The following WIPF2 variants were observed in gnomAD, a reference collection of about 807,000 sequenced individuals.
The protein encoded by WIPF2 is WAS/WASL interacting protein family member 2, also known as WAS/WASL-interacting protein family member 2.
WIPF2 carries 23 observed loss-of-function variants against 38.8 expected under a neutral mutation model. The observed-to-expected ratio is 0.59, with a 90% confidence interval of 0.43 to 0.84. The LOEUF (loss-of-function observed/expected upper bound fraction) is 0.84. Ranked by LOEUF, WIPF2 falls within the 40% of genes least tolerant of loss-of-function variation. The pLI is 0.00. For missense variants in WIPF2, 574 were observed against 580.5 expected, an observed-to-expected ratio of 0.99 and a Z score of 0.11; for synonymous variants, 210 against 223.2, an observed-to-expected ratio of 0.94 and a Z score of 0.53.
chr17:40,220,249 T>TTAC (rs560307774), intron 1 of WIPF2, among the ~76,000 whole-genome samples: 8 of 151,786 alleles, frequency 5.3e-5, no homozygotes, highest in Non-Finnish European at 1.2e-4. Context: ...AGTGCTGGGA[T>TTAC]TACAGGTGTG....
chr17:40,277,690 GA>G (rs1173982541), intron 7 of WIPF2, among the ~76,000 whole-genome samples: 1 of 131,106 alleles, frequency 7.6e-6, no homozygotes, highest in African/African-American at 3.0e-5. Flanking sequence ...CAAAAAAAAA[GA>G]AAAAAAATTG....
At chr17:40,222,587 T>TTGTGTGTGTG (rs201136851) in intron 1 of WIPF2, among the ~76,000 whole-genome samples, 1 of 146,328 alleles carries the variant, frequency 6.8e-6, no homozygotes, top group Non-Finnish European at 1.5e-5. Context: ...GTGTGTGTGT[T>TTGTGTGTGTG]TGTGTGTGTG....
At chr17:40,230,826 TC>T in intron 1 of WIPF2, among the ~76,000 whole-genome samples, 2 of 152,290 alleles carry the variant, frequency 1.3e-5, no homozygotes, top group African/African-American at 4.8e-5. Flanking sequence ...GAACAGATGT[TC>T]TTTTATTTTG....
chr17:40,227,063 A>G (rs756206649), intron 1 of WIPF2, among the ~76,000 whole-genome samples: 9 of 151,154 alleles, frequency 6.0e-5, no homozygotes, highest in Non-Finnish European at 1.3e-4. Context: ...TTTTTTTGAG[A>G]CAGAGTTTCA....
At chr17:40,254,463 G>A (rs1452500383) in intron 1 of WIPF2, among the ~76,000 whole-genome samples, 1 of 151,900 alleles carries the variant, frequency 6.6e-6, no homozygotes, top group South Asian at 2.1e-4. Context: ...TGGGGGGAGG[G>A]GGTCAAAAAA....
At chr17:40,248,163 CTT>C (rs60359132) in intron 1 of WIPF2, among the ~76,000 whole-genome samples, 823 of 47,558 alleles carry the variant, frequency 0.017, 31 homozygotes, top group Middle Eastern at 0.04. Flanking sequence ...AAAGTTATTT[CTT>C]TTTTTTTTTT....
At chr17:40,236,631 C>CG (rs2030980805) in intron 1 of WIPF2, among the ~76,000 whole-genome samples, 1 of 139,404 alleles carries the variant, frequency 7.2e-6, no homozygotes, top group Admixed American at 7.5e-5. Flanking sequence ...TTTTTTAAGA[C>CG]GGAGTCTCAC....
At chr17:40,254,161 T>G (rs1473246526) in intron 1 of WIPF2, among the ~76,000 whole-genome samples, 1 of 151,634 alleles carries the variant, frequency 6.6e-6, no homozygotes, top group African/African-American at 2.4e-5. Context: ...GGATTACAGG[T>G]GTGCACAACC....
intron 5 of WIPF2, among the ~76,000 whole-genome samples, chr17:40,267,543 G>A (rs1219508815): frequency 1.3e-5 from 2 of 151,972 alleles, no homozygotes; most frequent in East Asian, 1.9e-4. Flanking sequence ...TTATTTATTT[G>A]TTTGTTTGTG....
rs1171794280 is a variant in WIPF2, at chr17:40,237,565, A to G, written c.-70+18073A>G. Among the ~76,000 whole-genome samples the G allele has an allele frequency of 3.3e-4, 50 of 149,960 alleles. 1 individual carries two copies. Among genetic ancestry groups the G allele is most frequent in the Admixed American group, 3.3e-3 (49 of 15,046 alleles). On this transcript the variant is annotated intron_variant, in intron 1 of 7. Coordinates refer to ENST00000323571, the MANE Select transcript of WIPF2 (RefSeq NM_133264.5). ...CCCTAATTTTTTTTTCCTTCATTCA[A>G]TTTTTGTGAGATTTCCTTAGCTGTT...
intron 1 of WIPF2, among the ~76,000 whole-genome samples, chr17:40,247,602 G>T (rs1480147898): frequency 1.3e-5 from 2 of 151,076 alleles, no homozygotes; most frequent in African/African-American, 4.9e-5. Flanking sequence ...GCTCACTGCA[G>T]CCTCCACCTC....
chr17:40,248,603 A>C (rs1006100323), intron 1 of WIPF2, among the ~76,000 whole-genome samples: 1 of 151,940 alleles, frequency 6.6e-6, no homozygotes, highest in African/African-American at 2.4e-5. Context: ...GCCCTGCCTG[A>C]CTCTCTTTCT....
At chr17:40,264,362 A>AAAAAACCC in intron 4 of WIPF2, 128 bp from the exon 5 acceptor site, 1 of 758,830 alleles carries the variant, frequency 1.3e-6, no homozygotes, top group Non-Finnish European at 2.1e-6. Flanking sequence ...AAGAAAAACA[A>AAAAAACCC]AAAACCCAGA....
chr17:40,278,175 T>C lies in WIPF2; in HGVS notation c.1283-10T>C. The C allele has an allele frequency of 6.2e-7, 1 of 1,612,210 alleles. No individual in the cohort carries two copies. Among genetic ancestry groups the C allele is most frequent in the Non-Finnish European group, 8.5e-7 (1 of 1,179,166 alleles). On this transcript the variant is annotated splice_polypyrimidine_tract_variant and intron_variant, in intron 7 of 7. Transcript: ENST00000323571. ...TGTATGTGTGTGGTCTTTATTTTGT[T>C]TTTTTTCAGCTGCCCGTGGAGCCCC...
chr17:40,266,442 C>A (rs2032090827), intron 5 of WIPF2, among the ~76,000 whole-genome samples: 1 of 152,086 alleles, frequency 6.6e-6, no homozygotes, highest in Non-Finnish European at 1.5e-5. Flanking sequence ...AAGTTAAAGA[C>A]CAAGAACTGG....
chr17:40,239,204 TG>T (rs1324320888), intron 1 of WIPF2, among the ~76,000 whole-genome samples: 1 of 151,900 alleles, frequency 6.6e-6, no homozygotes, highest in Non-Finnish European at 1.5e-5. Flanking sequence ...CCCAAGTAGC[TG>T]GGACCACAGG....
intron 4 of WIPF2, among the ~76,000 whole-genome samples, chr17:40,263,515 ATATTT>A (rs1019655161): frequency 4.8e-5 from 7 of 145,888 alleles, no homozygotes; most frequent in African/African-American, 1.8e-4. Flanking sequence ...CTAAAAGAGT[ATATTT>A]TATTTTATTT....
At chr17:40,219,969 G>C (rs538643379) in intron 1 of WIPF2, 2 of 152,610 alleles carry the variant, frequency 1.3e-5, no homozygotes, top group African/African-American at 4.8e-5. Flanking sequence ...GTGAAAGCTA[G>C]TGTTTGGGAA....
At chr17:40,255,743 C>T (rs2031704730) in intron 1 of WIPF2, among the ~76,000 whole-genome samples, 1 of 151,812 alleles carries the variant, frequency 6.6e-6, no homozygotes, top group African/African-American at 2.4e-5. Flanking sequence ...ATTCTCCTGC[C>T]TCAGCCTCCC....
Sources: allele counts gnomAD v4.1 joint callset (sites outside exome capture counted in the v4.1 genomes callset), GRCh38; gene constraint gnomAD v4.1.1; transcripts MANE v1.5; gene names NCBI Gene and HGNC (gene_info 2026-07-23, HGNC 2026-07-21).